Variants in SPTB observed in about 807,000 individuals in gnomAD.
SPTB encodes the protein spectrin beta chain, erythrocytic.
Under a neutral mutation model 256.2 loss-of-function variants are expected in SPTB, and 45 were observed. The ratio of observed to expected loss-of-function variants is 0.18; its 90% CI spans 0.14 to 0.23. The LOEUF (loss-of-function observed/expected upper bound fraction) is 0.23, where lower values mean the gene tolerates loss of function less well. Ranked by LOEUF, SPTB falls within the 10% of genes least tolerant of loss-of-function variation. The probability of loss-of-function intolerance (pLI) is 1.00; values close to 1 mark genes in which losing one functional copy is unlikely to be tolerated. For missense variants in SPTB, 2,715 were observed against 3,040.4 expected (o/e 0.89, Z 2.52); for synonymous variants, 1,231 against 1,243.1 (o/e 0.99, Z 0.21).
intron 32 of SPTB, among the ~76,000 whole-genome samples, chr14:64,761,431 G>A (rs1359276673): frequency 6.6e-6 from 1 of 152,198 alleles, no homozygotes; most frequent in African/African-American, 2.4e-5. Flanking sequence ...GATACATGGT[G>A]AGGAGTCCCC....
In SPTB at chr14:64,794,566, G is replaced by A; in HGVS notation, c.1696C>T (p.Leu566=). The change falls in exon 13 of 36, where the codon CTG becomes TTG. Residue 566 remains leucine (L), a synonymous_variant. Transcript: ENST00000644917. ...TCCATCAACTTGTGCTTCTGTAGCA[G>A]GTCTTCAACCTCCAACAAGTGCTTC... is the stretch of plus-strand genomic sequence containing the variant. ...FGKHLLEVED[L]LQKHKLMEAD... is the part of the protein sequence containing the mutation. 3 of 1,614,182 alleles carry A rather than the reference G, an allele frequency of 1.9e-6. No homozygotes were observed. The highest frequency in any genetic ancestry group is 2.5e-6 in the Non-Finnish European group (3 of 1,180,042).
At position 64,806,931 on chromosome 14, in the gene SPTB, C is replaced by A. The variant is rs756650231; in HGVS notation, c.149-1841G>T. On this transcript the variant is annotated intron_variant, in intron 2 of 35. Coordinates refer to ENST00000644917, the MANE Select transcript of SPTB (RefSeq NM_001355436.2). This position sits in a 1 kb window ranked among gnomAD's most constrained non-coding sequence, Gnocchi z 4.1. Reference sequence around the variant, plus strand: ...CATTCATTTATTCTGGGCCTCTGTGCAAAGTTTCAGCGAGAAAACTCCCCT... The same window carrying A: ...CATTCATTTATTCTGGGCCTCTGTGAAAAGTTTCAGCGAGAAAACTCCCCT... Among the ~76,000 whole-genome samples, 12 of 152,206 alleles carry A rather than the reference C, an allele frequency of 7.9e-5. No homozygotes were observed. The highest frequency in any genetic ancestry group is 1.6e-4 in the Non-Finnish European group (11 of 68,038).
chr14:64,766,076 CTG>C (rs144990490), intron 32 of SPTB, among the ~76,000 whole-genome samples: 1 of 129,570 alleles, frequency 7.7e-6, no homozygotes, highest in African/African-American at 2.7e-5. Flanking sequence ...GGGGTGTGGT[CTG>C]TATGAGTATG....
In SPTB at chr14:64,782,559, G is replaced by T; in HGVS notation, c.4003-6C>A. On this transcript the variant is annotated splice_polypyrimidine_tract_variant and splice_region_variant and intron_variant, in intron 19 of 35. Coordinates refer to ENST00000644917, the MANE Select transcript of SPTB (RefSeq NM_001355436.2). Reference sequence around the variant, plus strand: ...TCCATCAGCTGCTTTCCTTCCTAGGGGCAAGAAGGAGGAGAGCTCACATTC... The same window carrying T: ...TCCATCAGCTGCTTTCCTTCCTAGGTGCAAGAAGGAGGAGAGCTCACATTC... 2.5e-6 allele frequency: 4 copies of T among 1,613,450 alleles called. No individual in the cohort carries two copies. The East Asian group carries it at 6.7e-5, about 27-fold the overall frequency.
At chr14:64,753,304 T>G (rs1202282896) in intron 33 of SPTB, among the ~76,000 whole-genome samples, 1 of 152,110 alleles carries the variant, frequency 6.6e-6, no homozygotes, top group Non-Finnish European at 1.5e-5. Flanking sequence ...AGAGGTTGAG[T>G]AACTTGCATG....
chr14:64,768,697 G>T (rs1012715288), intron 29 of SPTB, among the ~76,000 whole-genome samples: 1 of 138,536 alleles, frequency 7.2e-6, no homozygotes, highest in Non-Finnish European at 1.6e-5. Context: ...CCTCCCCCAG[G>T]CCCCCAGCCC....
chr14:64,842,755 A>G (rs1421916964), intron 1 of SPTB, among the ~76,000 whole-genome samples: 1 of 152,082 alleles, frequency 6.6e-6, no homozygotes, highest in Non-Finnish European at 1.5e-5. Context: ...TAAAATAGCA[A>G]CTACACCCCC....
Position 64,774,457 on chromosome 14 carries a change from C to T in SPTB, c.4913G>A (p.Arg1638Gln), listed in dbSNP as rs2082326886. The part of the protein sequence containing the change: ...RQQRAVEDYG[R>Q]NIKQLASRAQ... ...CCGGCTGGCCAGCTGCTTGATGTTC[C>T]GGCCGTAGTCCTCCACCGCACGCTG... The change falls in exon 24 of 36, where the codon CGG becomes CAG. Residue 1638 changes from arginine (R) to glutamine (Q), a missense_variant. Around this residue, in one of 4 missense-constraint regions of SPTB, gnomAD observed 2,239 missense variants for 2,384.4 expected, o/e 0.94. Coordinates refer to ENST00000644917, the MANE Select transcript of SPTB (RefSeq NM_001355436.2). 5.1e-6 allele frequency: 8 copies of T among 1,564,502 alleles called. No homozygotes were observed. The highest frequency in any genetic ancestry group is 2.4e-5 in the East Asian group (1 of 42,084).
At chr14:64,773,566 T>G (rs979421441) in intron 24 of SPTB, 142 bp from the exon 25 acceptor site, 1 of 909,750 alleles carries the variant, frequency 1.1e-6, no homozygotes, top group Non-Finnish European at 1.8e-6. Flanking sequence ...ACAGGGGCTT[T>G]GCCGGGGAAG....
intron 15 of SPTB, among the ~76,000 whole-genome samples, chr14:64,789,460 C>A (rs2082631550): frequency 6.6e-6 from 1 of 151,796 alleles, no homozygotes; most frequent in Non-Finnish European, 1.5e-5. Context: ...GTGATAAGCG[C>A]AAAGAAAAAA....
At chr14:64,765,025 C>CGCGTGTGT (rs1555366139) in intron 32 of SPTB, among the ~76,000 whole-genome samples, 1 of 118,254 alleles carries the variant, frequency 8.5e-6, no homozygotes, top group Non-Finnish European at 1.7e-5. Flanking sequence ...GGAGTGTGTG[C>CGCGTGTGT]GTGTGTGTGT....
intron 32 of SPTB, chr14:64,756,637 C>A (rs2082020502): frequency 6.6e-6 from 1 of 152,214 alleles, no homozygotes; most frequent in Admixed American, 6.5e-5. Flanking sequence ...TACATTACTA[C>A]TTGGTCTCTT....
chr14:64,832,539 T>G (rs1210167946), intron 1 of SPTB, among the ~76,000 whole-genome samples: 2 of 152,206 alleles, frequency 1.3e-5, no homozygotes, highest in Admixed American at 1.3e-4. Context: ...TCCCATGACT[T>G]GAATTACCAT....
intron 32 of SPTB, 183 bp downstream of exon 32, chr14:64,766,543 T>C (rs2082185698): frequency 2.0e-6 from 3 of 1,532,792 alleles, no homozygotes; most frequent in Non-Finnish European, 2.6e-6. Flanking sequence ...AGTACTCTCA[T>C]GAAGAACACC....
At position 64,800,908 on chromosome 14, in the gene SPTB, A is replaced by T. The variant is rs748297868; in HGVS notation, c.764-40T>A. The T allele has an allele frequency of 5.2e-6, 8 of 1,523,890 alleles. No individual in the cohort carries two copies. The African/African-American group carries it at 8.2e-5, about 16-fold the overall frequency. The allele number at this position is 1,523,890 out of a possible 1,614,324, so 94.4% of individuals were successfully genotyped here. A position where few individuals can be genotyped will look rare whatever the true frequency, so the allele number is the denominator to read the frequency against. ...GGTGTACTCTCAGGACCAAACTGGA[A>T]GTCGGGAAAGTCAGGCTCAGAGGGT... On this transcript the variant is annotated intron_variant, in intron 7 of 35. Transcript: ENST00000644917.
intron 32 of SPTB, among the ~76,000 whole-genome samples, chr14:64,765,887 G>A (rs1458777028): frequency 1.3e-5 from 2 of 151,104 alleles, no homozygotes; most frequent in African/African-American, 4.9e-5. Flanking sequence ...AGGTTGCGGT[G>A]TGTGCATGTG....
At chr14:64,765,586 G>C (rs2082157851) in intron 32 of SPTB, among the ~76,000 whole-genome samples, 1 of 152,172 alleles carries the variant, frequency 6.6e-6, no homozygotes, top group African/African-American at 2.4e-5. Context: ...CAAAGCCCTG[G>C]GATTCTCCTC....
At position 64,796,190 on chromosome 14, in the gene SPTB, A is replaced by T. The variant is rs1237496605; in HGVS notation, c.1341+367T>A. ...TTCTTAGCTAGAATTATGTCACAGC[A>T]CCAGAGACCAGAGTCCAAAAGGCAT... On this transcript the variant is annotated intron_variant, in intron 11 of 35. Coordinates refer to ENST00000644917, the MANE Select transcript of SPTB (RefSeq NM_001355436.2). The surrounding 1 kb of genome is among the most constrained non-coding windows in gnomAD (Gnocchi z 4.1). Among the ~76,000 whole-genome samples, 3 of 152,298 alleles carry T rather than the reference A, an allele frequency of 2.0e-5. No homozygotes were observed. In the East Asian group the frequency reaches 5.8e-4, roughly 29 times the overall value.
chr14:64,792,972 G>A lies in SPTB; in HGVS notation c.2666+25C>T, dbSNP rs757735018. ...TGCCCAGGCCTGGGTACAGGGACGT[G>A]AGGAAAAGATGAGTTAACTCTGACC... is the stretch of plus-strand genomic sequence containing the variant. On this transcript the variant is annotated intron_variant, in intron 14 of 35. Transcript: ENST00000644917. The surrounding 1 kb of genome is among the most constrained non-coding windows in gnomAD (Gnocchi z 4.2). The A allele has an allele frequency of 5.0e-6, 8 of 1,613,572 alleles. No homozygotes were observed. In the African/African-American group the frequency reaches 1.1e-4, roughly 22 times the overall value.
Sources: gnomAD v4.1 joint callset for allele counts (sites outside exome capture counted in the v4.1 genomes callset) on GRCh38, gnomAD v4.1.1 for gene constraint, gnomAD v4.1.1 regional missense constraint, Gnocchi (gnomAD v3.1) non-coding constraint, MANE v1.5 for transcripts, NCBI Gene and HGNC (gene_info 2026-07-23, HGNC 2026-07-21) for gene names.